ZNF333: variants seen among roughly 807,000 people sequenced by gnomAD.
ZNF333 encodes the protein zinc finger protein 333.
Under a neutral mutation model 76.1 loss-of-function variants are expected in ZNF333, and 61 were observed. The ratio of observed to expected loss-of-function variants is 0.80; its 90% CI spans 0.65 to 0.99. ZNF333 has a LOEUF of 0.99. Ranked by LOEUF, ZNF333 falls within the 50% of genes least tolerant of loss-of-function variation. The pLI is 0.00. For missense variants in ZNF333, 717 were observed against 822.4 expected (o/e 0.87, Z 1.57); for synonymous variants, 284 against 305.0 (o/e 0.93, Z 0.72).
intron 7 of ZNF333, among the ~76,000 whole-genome samples, chr19:14,711,496 C>G (rs1350795690): frequency 6.6e-6 from 1 of 151,904 alleles, no homozygotes; most frequent in Admixed American, 6.6e-5. Context: ...ATAGCGAGAC[C>G]CCATCTCTAC....
rs2042505464 is a variant in ZNF333, at chr19:14,718,543, TC to T, written c.1218del (p.Ser407ArgfsTer7). 6.2e-7 allele frequency: 1 copy of T among 1,614,058 alleles called. No homozygotes were observed. The highest frequency in any genetic ancestry group is 2.2e-5 in the East Asian group (1 of 44,874). ...CQECGQAFKY[S>X]SNLRRHMRTH... ...AGAATGTGGGCAAGCCTTCAAATAT[TC>T]CTCGAATCTCCGGCGACACATGAGA... On this transcript the variant is annotated frameshift_variant, in exon 12 of 12. Transcript: ENST00000292530. LOFTEE classifies it high-confidence loss of function.
chr19:14,719,084 G>C lies in ZNF333; in HGVS notation c.1757G>C (p.Gly586Ala). ...AGGAAACATGCAAGGACTCACAGTG[G>C]CAAGAAGCCCTATGCATGCCAGGAA... ...SLRKHARTHS[G>A]KKPYACQECG... The change falls in exon 12 of 12, where the codon GGC becomes GCC. Residue 586 changes from glycine to alanine, a missense_variant. Gly to Ala is a moderately conservative substitution (Grantham distance 60, BLOSUM62 0). Transcript: ENST00000292530. The C allele has an allele frequency of 6.2e-7, 1 of 1,614,104 alleles. No homozygotes were observed. The highest frequency in any genetic ancestry group is 8.5e-7 in the Non-Finnish European group (1 of 1,180,008).
At position 14,693,486 on chromosome 19, in the gene ZNF333, A is replaced by G. The variant is rs540485010; in HGVS notation, c.-6A>G. 142 of 1,602,516 alleles carry G rather than the reference A, an allele frequency of 8.9e-5. 5 individuals carry two copies. The South Asian group carries it at 1.5e-3, about 17-fold the overall frequency. On this transcript the variant is annotated 5_prime_UTR_variant, in exon 2 of 12. Transcript: ENST00000292530. ...GACTGAGACCTCAAACCCTGGCTCC[A>G]GTGTCATGGTGAGGAAACTGGGGGC...
intron 9 of ZNF333, among the ~76,000 whole-genome samples, chr19:14,716,539 A>G (rs896165012): frequency 6.6e-6 from 1 of 152,178 alleles, no homozygotes; most frequent in Non-Finnish European, 1.5e-5. Flanking sequence ...GATTGCAGAC[A>G]TGAGCCACTG....
chr19:14,698,899 GATATAT>G lies in ZNF333; in HGVS notation c.224-268_224-263del, dbSNP rs60299211. Reference sequence around the variant, plus strand: ...ATGTGTGTACACACACACAAATATAGATATATATATATATATATATATATATATATA... The same window carrying G: ...ATGTGTGTACACACACACAAATATAGATATATATATATATATATATATATA... On this transcript the variant is annotated intron_variant, in intron 4 of 11. Coordinates refer to ENST00000292530, the MANE Select transcript of ZNF333 (RefSeq NM_032433.4). 8.7e-4 allele frequency among the ~76,000 whole-genome samples: 116 copies of G among 132,708 alleles called. 2 individuals carry two copies. Among genetic ancestry groups the G allele is most frequent in the African/African-American group, 1.4e-3 (51 of 35,532 alleles). The allele number at this position is 132,708 out of a possible 152,430, so 87.1% of individuals were successfully genotyped here. A position where few individuals can be genotyped will look rare whatever the true frequency, so the allele number is the denominator to read the frequency against.
At chr19:14,707,348 T>C (rs1389305645) in intron 7 of ZNF333, 1 of 152,054 alleles carries the variant, frequency 6.6e-6, no homozygotes, top group East Asian at 1.9e-4. Flanking sequence ...TCAGGGCTGA[T>C]GTGAACTACA....
intron 11 of ZNF333, among the ~76,000 whole-genome samples, chr19:14,727,960 C>T (rs12610974): frequency 0.32 from 49,012 of 151,854 alleles, 8,249 homozygotes; most frequent in Middle Eastern, 0.48. Context: ...CGGTGGCTCA[C>T]GCCTGTAATC....
At chr19:14,706,400 C>G (rs948691588) in intron 6 of ZNF333, 1 of 442,586 alleles carries the variant, frequency 2.3e-6, no homozygotes, top group Non-Finnish European at 4.2e-6. Context: ...CCATCCACTC[C>G]CCACTTTTTT....
intron 11 of ZNF333, among the ~76,000 whole-genome samples, chr19:14,729,825 T>A (rs2042656451): frequency 6.6e-6 from 1 of 152,190 alleles, no homozygotes. Context: ...ATTTGCTAGA[T>A]CTGGTTATTC....
At chr19:14,730,530 CCTCT>C (rs1408496717) in intron 11 of ZNF333, among the ~76,000 whole-genome samples, 5 of 107,966 alleles carry the variant, frequency 4.6e-5, no homozygotes, top group African/African-American at 1.6e-4. Flanking sequence ...TCTTTGTCTT[CCTCT>C]CTCTTTCTGT....
At chr19:14,730,811 C>G (rs1020106683) in intron 11 of ZNF333, among the ~76,000 whole-genome samples, 3 of 151,718 alleles carry the variant, frequency 2.0e-5, no homozygotes, top group Non-Finnish European at 4.4e-5. Context: ...CCTCCTCCCT[C>G]CCTCCTCCAT....
In ZNF333 at chr19:14,718,883, C is replaced by T; in HGVS notation, c.1556C>T (p.Thr519Ile). ...NQCGKPFRTS[T>I]HLNVHKRIHT... is the part of the protein sequence containing the mutation. Reference sequence around the variant, plus strand: ...TGTGGCAAGCCCTTCCGGACGAGCACTCATCTGAACGTGCACAAGAGGATA... The same window carrying T: ...TGTGGCAAGCCCTTCCGGACGAGCATTCATCTGAACGTGCACAAGAGGATA... The change falls in exon 12 of 12, where the codon ACT becomes ATT. Residue 519 changes from threonine to isoleucine, a missense_variant. Coordinates refer to ENST00000292530, the MANE Select transcript of ZNF333 (RefSeq NM_032433.4). 1 of 1,614,194 alleles carries T rather than the reference C, an allele frequency of 6.2e-7. No individual in the cohort carries two copies. Among genetic ancestry groups the T allele is most frequent in the Non-Finnish European group, 8.5e-7 (1 of 1,180,034 alleles).
intron 4 of ZNF333, among the ~76,000 whole-genome samples, chr19:14,696,036 T>A (rs1160512486): frequency 6.6e-6 from 1 of 152,176 alleles, no homozygotes; most frequent in Non-Finnish European, 1.5e-5. Context: ...CCGGATGTGA[T>A]GGTGCACACC....
upstream of ZNF333, chr19:14,689,948 G>A (rs899405606): frequency 7.9e-5 from 12 of 152,534 alleles, no homozygotes; most frequent in African/African-American, 2.9e-4. Context: ...TCTCCTTGGA[G>A]GCTAAAGAAG....
chr19:14,691,380 A>G (rs1972764006), intron 1 of ZNF333, among the ~76,000 whole-genome samples: 3 of 152,230 alleles, frequency 2.0e-5, no homozygotes, highest in African/African-American at 7.2e-5. Flanking sequence ...AACTTTGTTA[A>G]TACTGGAAAT....
Position 14,718,387 on chromosome 19 carries a change from A to G in ZNF333, c.1060A>G (p.Ile354Val). The change falls in exon 12 of 12, where the codon ATT (isoleucine) becomes GTT (valine). Residue 354 changes from isoleucine to valine, a missense_variant. By Grantham distance (29) the Ile-to-Val change is conservative. Coordinates refer to ENST00000292530, the MANE Select transcript of ZNF333 (RefSeq NM_032433.4). ...TTCCTTCTTCCAGAGTGCCCACCTA[A>G]TTGTGCCCGAGAAAATCCGTAGTGG... is the stretch of plus-strand genomic sequence containing the variant. ...RNSFFQSAHL[I>V]VPEKIRSGDK... is the part of the protein sequence containing the mutation. The G allele has an allele frequency of 6.2e-7, 1 of 1,614,184 alleles. No individual in the cohort carries two copies. The highest frequency in any genetic ancestry group is 8.5e-7 in the Non-Finnish European group (1 of 1,180,034).
At chr19:14,704,856 C>T (rs1276184494) in intron 5 of ZNF333, among the ~76,000 whole-genome samples, 198 bp from the exon 6 acceptor site, 1 of 152,208 alleles carries the variant, frequency 6.6e-6, no homozygotes, top group Non-Finnish European at 1.5e-5. Context: ...GTTGGCCAGG[C>T]TGCTCTTGAA....
intron 6 of ZNF333, chr19:14,706,187 C>G (rs2042105367): frequency 2.2e-6 from 1 of 457,366 alleles, no homozygotes. Context: ...GGGCTCCACC[C>G]TGGACACAGA....
At chr19:14,703,262 C>T (rs967636922) in intron 5 of ZNF333, among the ~76,000 whole-genome samples, 12 of 148,396 alleles carry the variant, frequency 8.1e-5, no homozygotes, top group African/African-American at 2.7e-4. Flanking sequence ...ATTTCGAGAA[C>T]AGCAGCATGG....
Sources: gnomAD v4.1 joint callset for allele counts (sites outside exome capture counted in the v4.1 genomes callset) on GRCh38, gnomAD v4.1.1 for gene constraint, MANE v1.5 for transcripts, NCBI Gene and HGNC (gene_info 2026-07-23, HGNC 2026-07-21) for gene names.